ASXL2: variants seen among roughly 807,000 people sequenced by gnomAD.
ASXL2 encodes the protein ASXL transcriptional regulator 2.
In ASXL2, 23 loss-of-function variants were observed where a neutral mutation model predicts 122.0. The observed-to-expected ratio is 0.19, with a 90% CI of 0.14 to 0.27. The LOEUF (loss-of-function observed/expected upper bound fraction) is 0.27. ASXL2 is among the 10% of genes least tolerant of loss of function. The pLI, the probability that ASXL2 is intolerant of heterozygous loss-of-function variation, is 1.00. For synonymous variants in ASXL2, 650 were observed against 637.0 expected, an observed-to-expected ratio of 1.02 and a Z score of -0.31; for missense variants, 1,518 against 1,713.8, an observed-to-expected ratio of 0.89 and a Z score of 2.02.
chr2:25,764,133 A>C (rs2088300102), intron 8 of ASXL2, among the ~76,000 whole-genome samples: 1 of 152,262 alleles, frequency 6.6e-6, no homozygotes, highest in African/African-American at 2.4e-5. Flanking sequence ...AAATAAAAAC[A>C]AAGGTTTCTA....
intron 3 of ASXL2, among the ~76,000 whole-genome samples, chr2:25,807,430 A>G (rs1175967187): frequency 6.6e-6 from 1 of 152,238 alleles, no homozygotes; most frequent in Non-Finnish European, 1.5e-5. Context: ...ACATTGGTGA[A>G]TAATAACAAA....
At chr2:25,770,220 T>G (rs2088423379) in intron 6 of ASXL2, among the ~76,000 whole-genome samples, 1 of 152,216 alleles carries the variant, frequency 6.6e-6, no homozygotes, top group Non-Finnish European at 1.5e-5. Context: ...TATTTAATTT[T>G]TTTTTTCAGA....
At chr2:25,837,693 T>A (rs756026281) in intron 2 of ASXL2, among the ~76,000 whole-genome samples, 3 of 150,644 alleles carry the variant, frequency 2.0e-5, no homozygotes, top group Admixed American at 6.6e-5. Context: ...CTACAAAAAA[T>A]TTAAAAATTA....
chr2:25,856,302 C>T (rs2089775977), intron 1 of ASXL2, among the ~76,000 whole-genome samples: 1 of 151,084 alleles, frequency 6.6e-6, no homozygotes, highest in African/African-American at 2.4e-5. Context: ...GGTGATCCGC[C>T]CACCTCAGCC....
chr2:25,771,579 CAG>C (rs2088457045), intron 5 of ASXL2, 39 bp from the exon 6 acceptor site: 1 of 1,510,688 alleles, frequency 6.6e-7, no homozygotes, highest in Non-Finnish European at 9.1e-7. Context: ...TTTTTGTTAA[CAG>C]AGATACCAAG....
chr2:25,830,539 T>C (rs1206969290), intron 3 of ASXL2, among the ~76,000 whole-genome samples: 2 of 151,700 alleles, frequency 1.3e-5, no homozygotes, highest in Non-Finnish European at 2.9e-5. Flanking sequence ...GGCAGGATAA[T>C]TGCTTGAACC....
intron 3 of ASXL2, among the ~76,000 whole-genome samples, chr2:25,816,234 T>C (rs1026720083): frequency 5.7e-5 from 8 of 139,294 alleles, no homozygotes; most frequent in Non-Finnish European, 1.1e-4. Context: ...CGAGCCTCCA[T>C]CTCAAAAAAA....
chr2:25,774,451 C>T (rs2088513758), intron 5 of ASXL2, among the ~76,000 whole-genome samples: 1 of 152,082 alleles, frequency 6.6e-6, no homozygotes, highest in African/African-American at 2.4e-5. Context: ...GTTACTTTTA[C>T]CTCTTTTATA....
intron 1 of ASXL2, among the ~76,000 whole-genome samples, chr2:25,855,527 G>C (rs2089766209): frequency 6.6e-6 from 1 of 152,156 alleles, no homozygotes; most frequent in African/African-American, 2.4e-5. Context: ...AAATGAGCTG[G>C]GTGTGGTGGT....
At chr2:25,772,271 G>C (rs1431413705) in intron 5 of ASXL2, among the ~76,000 whole-genome samples, 1 of 152,060 alleles carries the variant, frequency 6.6e-6, no homozygotes, top group Non-Finnish European at 1.5e-5. Flanking sequence ...AGAAATTGCT[G>C]ATTCAGTACC....
rs1033246340 is a variant in ASXL2, at chr2:25,808,617, C to T, written c.144-2280G>A. 4.6e-5 allele frequency among the ~76,000 whole-genome samples: 7 copies of T among 152,212 alleles called. No homozygotes were observed. In the East Asian group the frequency reaches 9.6e-4, roughly 21 times the overall value. ...AGAGTGCTCGGATTACAGGTGTTAGCCACTGCGCCTGGCCAAAATTTTTAA... is the reference window on the plus strand; with the variant it reads ...AGAGTGCTCGGATTACAGGTGTTAGTCACTGCGCCTGGCCAAAATTTTTAA... On this transcript the variant is annotated intron_variant, in intron 3 of 12. Coordinates refer to ENST00000435504, the MANE Select transcript of ASXL2 (RefSeq NM_018263.6).
intron 2 of ASXL2, among the ~76,000 whole-genome samples, chr2:25,841,313 T>G (rs1360392613): frequency 1.3e-5 from 2 of 152,060 alleles, no homozygotes; most frequent in African/African-American, 4.8e-5. Flanking sequence ...AAAGTGCCAT[T>G]TGACACATCA....
intron 12 of ASXL2, among the ~76,000 whole-genome samples, chr2:25,749,309 T>C (rs2087998246): frequency 6.6e-6 from 1 of 152,208 alleles, no homozygotes. Flanking sequence ...TAAGAGGTCC[T>C]GAGGAGACAG....
rs1387158565 is a variant in ASXL2 at position 25,740,811 on chromosome 2, CTTGTA to C, written c.*1213_*1217del. 1.0e-5 allele frequency: 2 copies of C among 196,968 alleles called. No homozygotes were observed. The highest frequency in any genetic ancestry group is 6.1e-5 in the Admixed American group (1 of 16,500). 12.2% of individuals were successfully genotyped at this position (196,968 alleles called of 1,614,324 possible). The stretch of plus-strand genomic sequence containing the variant: ...ATATTTTCTAAAACAGGAAAAATGT[CTTGTA>C]TTGTGTGTGTGTGTGTACATACACG... On this transcript the variant is annotated 3_prime_UTR_variant, in exon 13 of 13. Coordinates refer to ENST00000435504, the MANE Select transcript of ASXL2 (RefSeq NM_018263.6).
intron 3 of ASXL2, among the ~76,000 whole-genome samples, chr2:25,816,420 C>T (rs2089235685): frequency 6.6e-6 from 1 of 152,126 alleles, no homozygotes; most frequent in Admixed American, 6.5e-5. Flanking sequence ...TTCCCTGCCA[C>T]AATGATGTTC....
At chr2:25,761,626 TCGCA>T (rs1463260142) in intron 8 of ASXL2, among the ~76,000 whole-genome samples, 3 of 135,764 alleles carry the variant, frequency 2.2e-5, no homozygotes, top group African/African-American at 2.9e-5. Context: ...TGAGCCGAGA[TCGCA>T]CCACTGCACT....
chr2:25,872,441 A>G (rs187397007), intron 1 of ASXL2, among the ~76,000 whole-genome samples: 1 of 152,300 alleles, frequency 6.6e-6, no homozygotes, highest in East Asian at 1.9e-4. Flanking sequence ...TAGAAAGATA[A>G]CAAAAGAAAC....
chr2:25,753,686 C>T (rs1329353310), intron 10 of ASXL2, 47 bp from the exon 11 acceptor site: 5 of 1,333,590 alleles, frequency 3.7e-6, no homozygotes, highest in African/African-American at 1.5e-5. Context: ...ATGCTATTTG[C>T]AACATGTAAC....
chr2:25,858,694 G>A (rs1264212154), intron 1 of ASXL2, among the ~76,000 whole-genome samples: 1 of 149,466 alleles, frequency 6.7e-6, no homozygotes, highest in Non-Finnish European at 1.5e-5. Context: ...CTGTACTCCA[G>A]CCTGGCGACA....
Sources: allele counts gnomAD v4.1 joint callset (sites outside exome capture counted in the v4.1 genomes callset), GRCh38; gene constraint gnomAD v4.1.1; transcripts MANE v1.5; gene names NCBI Gene and HGNC (gene_info 2026-07-23, HGNC 2026-07-21).